The following STAG1 variants were observed in gnomAD, a reference collection of about 807,000 sequenced individuals.
The protein encoded by STAG1 is STAG1 cohesin complex component.
In STAG1, 26 loss-of-function variants were observed where a neutral mutation model predicts 170.9. The observed-to-expected ratio is 0.15, with a 90% CI of 0.11 to 0.21. The LOEUF is 0.21. Ranked by LOEUF, STAG1 falls within the 10% of genes least tolerant of loss-of-function variation. STAG1 has a pLI of 1.00. For missense variants in STAG1, 964 were observed against 1,509.5 expected (o/e 0.64, Z 5.99); for synonymous variants, 514 against 497.7 (o/e 1.03, Z -0.44).
At chr3:136,374,322 G>GAA (rs35923792) in intron 23 of STAG1, among the ~76,000 whole-genome samples, 1 of 151,930 alleles carries the variant, frequency 6.6e-6, no homozygotes, top group South Asian at 2.1e-4. Context: ...AAAGATATAA[G>GAA]AAAAAAATAT....
chr3:136,582,993 T>G (rs1031114907), intron 4 of STAG1, among the ~76,000 whole-genome samples: 14 of 152,288 alleles, frequency 9.2e-5, no homozygotes, highest in Admixed American at 8.5e-4. Flanking sequence ...AGTGTCAGAA[T>G]TTTTAGACCC....
intron 7 of STAG1, among the ~76,000 whole-genome samples, chr3:136,508,511 G>A (rs1459491512): frequency 6.6e-6 from 1 of 152,190 alleles, no homozygotes; most frequent in Non-Finnish European, 1.5e-5. Context: ...AACATAGCAA[G>A]ACTCCATCTC....
In STAG1 at chr3:136,336,624, GAA is replaced by G. The variant is rs1935689138; in HGVS notation, c.*1628_*1629del. 6.6e-6 allele frequency: 1 copy of G among 152,056 alleles called. No homozygotes were observed. Among genetic ancestry groups the G allele is most frequent in the African/African-American group, 2.4e-5 (1 of 41,462 alleles). The allele number at this position is 152,056 out of a possible 1,614,324, so 9.4% of individuals were successfully genotyped here. ...TCCAGTGAAGCCCACAATTCTGGGA[GAA>G]AGTGAGGCCCCAGCTCCCCTAACTG... On this transcript the variant is annotated 3_prime_UTR_variant, in exon 34 of 34. Transcript: ENST00000383202.
At chr3:136,645,002 T>G (rs1316744792) in intron 1 of STAG1, among the ~76,000 whole-genome samples, 4 of 152,126 alleles carry the variant, frequency 2.6e-5, no homozygotes, top group African/African-American at 9.7e-5. Flanking sequence ...AGTGCTGGGA[T>G]TACAGGTGTG....
intron 2 of STAG1, among the ~76,000 whole-genome samples, chr3:136,624,646 C>T (rs1940015474): frequency 6.6e-6 from 1 of 152,186 alleles, no homozygotes; most frequent in African/African-American, 2.4e-5. Flanking sequence ...ATCCGATACA[C>T]CTTTAAGTTG....
intron 1 of STAG1, among the ~76,000 whole-genome samples, chr3:136,700,059 G>A (rs749221601): frequency 6.6e-6 from 1 of 151,392 alleles, no homozygotes; most frequent in Non-Finnish European, 1.5e-5. Flanking sequence ...ATCTAAAATT[G>A]CCCTGTGTTG....
At chr3:136,551,424 G>A (rs948708723) in intron 5 of STAG1, among the ~76,000 whole-genome samples, 7 of 42,248 alleles carry the variant, frequency 1.7e-4, no homozygotes, top group African/African-American at 6.0e-4. Context: ...AATACATCTG[G>A]CTAATTTTTT....
intron 1 of STAG1, among the ~76,000 whole-genome samples, chr3:136,661,308 T>C (rs889197478): frequency 6.6e-6 from 1 of 152,216 alleles, no homozygotes; most frequent in African/African-American, 2.4e-5. Flanking sequence ...AACTCTGTAT[T>C]CTTTATAAAG....
At chr3:136,508,001 G>C (rs1286030263) in intron 7 of STAG1, among the ~76,000 whole-genome samples, 1 of 152,166 alleles carries the variant, frequency 6.6e-6, no homozygotes, top group Non-Finnish European at 1.5e-5. Context: ...CAACAGGAGA[G>C]GTAGTGAAGT....
At chr3:136,421,567 TTA>T (rs1258632088) in intron 19 of STAG1, among the ~76,000 whole-genome samples, 3 of 152,114 alleles carry the variant, frequency 2.0e-5, no homozygotes, top group African/African-American at 7.2e-5. Context: ...AAAGAGTCTT[TTA>T]TAAATCAGTT....
At chr3:136,720,176 CAAA>C (rs59409389) in intron 1 of STAG1, among the ~76,000 whole-genome samples, 4 of 61,142 alleles carry the variant, frequency 6.5e-5, no homozygotes, top group Non-Finnish European at 9.9e-5. Context: ...AATTCCGTCT[CAAA>C]AAAAAAAAAA....
At chr3:136,619,355 T>C (rs951079989) in intron 3 of STAG1, among the ~76,000 whole-genome samples, 3 of 149,944 alleles carry the variant, frequency 2.0e-5, no homozygotes, top group Non-Finnish European at 4.4e-5. Context: ...CAACTTACAT[T>C]CCAGTTGTAG....
chr3:136,385,702 G>C (rs1325283285), intron 22 of STAG1, among the ~76,000 whole-genome samples: 1 of 152,026 alleles, frequency 6.6e-6, no homozygotes, highest in African/African-American at 2.4e-5. Flanking sequence ...ACCAAGATAA[G>C]AGGAGAAACC....
rs558226672 is a variant in STAG1 at position 136,707,636 on chromosome 3, G to C, written c.-84+44559C>G. Among the ~76,000 whole-genome samples, 166 of 152,300 alleles carry C rather than the reference G, an allele frequency of 1.1e-3. 1 individual carries two copies. The highest frequency in any genetic ancestry group is 3.9e-3 in the African/African-American group (161 of 41,552). On this transcript the variant is annotated intron_variant, in intron 1 of 33. Transcript: ENST00000383202. ...TTCAAGGGCATGGCCCTAGCTTCTG[G>C]CGACAGCTTTTGTGCTACTTTACAA...
chr3:136,723,325 G>T (rs972700494), intron 1 of STAG1, among the ~76,000 whole-genome samples: 1 of 146,798 alleles, frequency 6.8e-6, no homozygotes, highest in Non-Finnish European at 1.5e-5. Context: ...TGAGATGTGG[G>T]GAGCGCCTCT....
intron 3 of STAG1, among the ~76,000 whole-genome samples, chr3:136,611,725 G>GA (rs1559908821): frequency 7.4e-6 from 1 of 135,826 alleles, no homozygotes; most frequent in Non-Finnish European, 1.5e-5. Context: ...GGCTGGTCTC[G>GA]AACTCCTGAG....
intron 22 of STAG1, among the ~76,000 whole-genome samples, chr3:136,387,640 A>T (rs1357735144): frequency 6.6e-6 from 1 of 152,140 alleles, no homozygotes; most frequent in Non-Finnish European, 1.5e-5. Context: ...ATAGGGGGAG[A>T]GTGTGCAACT....
chr3:136,637,402 CAG>C (rs1419879023), intron 1 of STAG1, among the ~76,000 whole-genome samples: 1 of 152,126 alleles, frequency 6.6e-6, no homozygotes, highest in East Asian at 1.9e-4. Flanking sequence ...ATTAAGCAGA[CAG>C]AAGGATATTT....
At chr3:136,741,346 T>C (rs1368705760) in intron 1 of STAG1, among the ~76,000 whole-genome samples, 1 of 152,272 alleles carries the variant, frequency 6.6e-6, no homozygotes, top group Non-Finnish European at 1.5e-5. Context: ...CATTAAACTA[T>C]GCCAAGTTAA....
Sources: gnomAD v4.1 joint callset for allele counts (sites outside exome capture counted in the v4.1 genomes callset) on GRCh38, gnomAD v4.1.1 for gene constraint, MANE v1.5 for transcripts, NCBI Gene and HGNC (gene_info 2026-07-23, HGNC 2026-07-21) for gene names.